CTNNA2: variants seen among roughly 807,000 people sequenced by gnomAD.
CTNNA2 encodes catenin alpha 2, also known as catenin alpha-2.
CTNNA2 carries 42 observed loss-of-function variants against 101.0 expected under a neutral mutation model. The ratio of observed to expected loss-of-function variants is 0.42; its 90% CI spans 0.32 to 0.54. The LOEUF (loss-of-function observed/expected upper bound fraction) is 0.54, where lower values mean the gene tolerates loss of function less well. Ranked by LOEUF, CTNNA2 falls within the 20% of genes least tolerant of loss-of-function variation. CTNNA2 has a pLI of 0.14. For missense variants in CTNNA2, 871 were observed against 1,223.1 expected, an observed-to-expected ratio of 0.71 and a Z score of 4.29; for synonymous variants, 450 against 456.4, an observed-to-expected ratio of 0.99 and a Z score of 0.18.
chr2:80,505,912 A>G (rs1183389680), intron 9 of CTNNA2, among the ~76,000 whole-genome samples: 1 of 152,194 alleles, frequency 6.6e-6, no homozygotes, highest in African/African-American at 2.4e-5. Flanking sequence ...CCAGTTATAA[A>G]AGATCTGTAA....
chr2:79,554,418 G>T (rs185299078), intron 1 of CTNNA2, among the ~76,000 whole-genome samples: 1 of 151,946 alleles, frequency 6.6e-6, no homozygotes, highest in Admixed American at 6.6e-5. Flanking sequence ...ATTATGAGAG[G>T]ACATATGCTA....
In CTNNA2 at chr2:79,458,193, C is replaced by G. The variant is rs547155807; in HGVS notation, c.-134-46861C>G. Among the ~76,000 whole-genome samples the G allele has an allele frequency of 2.1e-3, 326 of 152,320 alleles. 1 individual carries two copies. Among genetic ancestry groups the G allele is most frequent in the Middle Eastern group, 6.8e-3 (2 of 294 alleles). The stretch of plus-strand genomic sequence containing the variant: ...TGTAATAGAAACTTCCTTATAGATT[C>G]TCAGAGCTTTTGGATGTGATCATTT... On this transcript the variant is annotated intron_variant, in intron 4 of 21. Coordinates refer to the CTNNA2 transcript ENST00000466387.
intron 7 of CTNNA2, among the ~76,000 whole-genome samples, chr2:80,204,534 C>A (rs995575257): frequency 6.6e-6 from 1 of 152,176 alleles, no homozygotes; most frequent in Admixed American, 6.5e-5. Flanking sequence ...CCAATAAGTT[C>A]CTTATCTCCA....
chr2:79,192,597 C>T (rs935304898), intron 1 of CTNNA2, among the ~76,000 whole-genome samples: 1 of 152,092 alleles, frequency 6.6e-6, no homozygotes, highest in Non-Finnish European at 1.5e-5. Flanking sequence ...AAATATAAGA[C>T]ATGCGAATTA....
At chr2:80,132,110 G>A (rs1702449690) in intron 7 of CTNNA2, among the ~76,000 whole-genome samples, 1 of 152,048 alleles carries the variant, frequency 6.6e-6, no homozygotes. Flanking sequence ...AATATATCTT[G>A]TGCAGTTTAA....
chr2:79,632,887 CAATT>C (rs1679788671), intron 1 of CTNNA2, among the ~76,000 whole-genome samples: 1 of 152,180 alleles, frequency 6.6e-6, no homozygotes, highest in African/African-American at 2.4e-5. Context: ...GTCTCTGTCT[CAATT>C]ACTCAACTCG....
intron 4 of CTNNA2, among the ~76,000 whole-genome samples, chr2:79,416,257 C>CTTTTTTTTTTTTTTT (rs66830925): frequency 1.1e-5 from 1 of 94,658 alleles, no homozygotes; most frequent in African/African-American, 4.1e-5. Context: ...CTTTCCTTTT[C>CTTTTTTTTTTTTTTT]TTTTTTTTTT....
At chr2:80,638,613 G>A (rs564389296) in intron 18 of CTNNA2, among the ~76,000 whole-genome samples, 3 of 152,074 alleles carry the variant, frequency 2.0e-5, no homozygotes, top group Non-Finnish European at 4.4e-5. Context: ...GCCTTGTTTC[G>A]GGTTGAGCAA....
At chr2:79,673,754 T>C (rs1683005174) in intron 2 of CTNNA2, among the ~76,000 whole-genome samples, 1 of 152,208 alleles carries the variant, frequency 6.6e-6, no homozygotes, top group African/African-American at 2.4e-5. Flanking sequence ...GTTTGATTAC[T>C]TCTATGATCC....
At chr2:80,295,632 G>C (rs1305106734) in intron 7 of CTNNA2, among the ~76,000 whole-genome samples, 2 of 152,180 alleles carry the variant, frequency 1.3e-5, no homozygotes, top group South Asian at 2.1e-4. Context: ...AAACTGGAAA[G>C]GTTCTTAGGG....
rs74452427 is a variant in CTNNA2, at chr2:79,496,191, A to G, written c.-134-8863A>G. 1.0e-2 allele frequency among the ~76,000 whole-genome samples: 1,519 copies of G among 152,274 alleles called. 14 individuals are homozygous for G. The highest frequency in any genetic ancestry group is 0.035 in the African/African-American group (1,443 of 41,558). ...AGTATTTTCTGTTATCCAAAGTTTG[A>G]GGCTACCAAAAAAATTTAGCAATTG... On this transcript the variant is annotated intron_variant, in intron 4 of 21. Transcript: ENST00000466387.
chr2:79,555,682 G>A (rs1302632186), intron 1 of CTNNA2, among the ~76,000 whole-genome samples: 3 of 151,978 alleles, frequency 2.0e-5, no homozygotes, highest in East Asian at 1.9e-4. Context: ...GTTATGTGCC[G>A]TTTCCATATT....
chr2:79,601,061 T>G (rs1216359018), intron 1 of CTNNA2, among the ~76,000 whole-genome samples: 4 of 151,660 alleles, frequency 2.6e-5, no homozygotes, highest in African/African-American at 9.7e-5. Context: ...CCTACACACA[T>G]GTGCACATAC....
At chr2:80,214,815 G>T (rs1016824308) in intron 7 of CTNNA2, among the ~76,000 whole-genome samples, 1 of 152,152 alleles carries the variant, frequency 6.6e-6, no homozygotes, top group Non-Finnish European at 1.5e-5. Flanking sequence ...GCCTTGCTAG[G>T]TTGGGGAAGT....
chr2:80,499,008 G>A (rs951977367), intron 9 of CTNNA2, among the ~76,000 whole-genome samples: 3 of 152,248 alleles, frequency 2.0e-5, no homozygotes, highest in East Asian at 1.9e-4. Flanking sequence ...AGTAAGTAAC[G>A]TGATTTCTCA....
At chr2:80,560,444 GT>G (rs558285722) in intron 12 of CTNNA2, among the ~76,000 whole-genome samples, 99 of 152,220 alleles carry the variant, frequency 6.5e-4, no homozygotes, top group Non-Finnish European at 1.3e-3. Context: ...TGGGACTTGG[GT>G]TTTTTCCTGT....
intron 7 of CTNNA2, among the ~76,000 whole-genome samples, chr2:80,225,829 A>G (rs1299765546): frequency 6.6e-6 from 1 of 152,226 alleles, no homozygotes; most frequent in Non-Finnish European, 1.5e-5. Flanking sequence ...GCAAGCTAAT[A>G]CAGAAATCAA....
intron 15 of CTNNA2, among the ~76,000 whole-genome samples, chr2:80,601,285 T>C (rs1558633137): frequency 6.6e-6 from 1 of 152,150 alleles, no homozygotes; most frequent in African/African-American, 2.4e-5. Context: ...ATCAATATTA[T>C]GTAACTGAAT....
At chr2:79,291,632 G>A (rs1427264800) in intron 2 of CTNNA2, among the ~76,000 whole-genome samples, 1 of 152,156 alleles carries the variant, frequency 6.6e-6, no homozygotes, top group Non-Finnish European at 1.5e-5. Context: ...ACTCAGATGT[G>A]TGGCTACTGG....
Sources: gnomAD v4.1 joint callset for allele counts (sites outside exome capture counted in the v4.1 genomes callset) on GRCh38, gnomAD v4.1.1 for gene constraint, MANE v1.5 for transcripts, NCBI Gene and HGNC (gene_info 2026-07-23, HGNC 2026-07-21) for gene names.